Variants in TKT observed in about 807,000 individuals in gnomAD.
TKT encodes transketolase.
Under a neutral mutation model 63.9 loss-of-function variants are expected in TKT, and 47 were observed. That is an observed-to-expected ratio of 0.74 (90% CI 0.58 to 0.94). TKT has a LOEUF of 0.94. Ranked by LOEUF, TKT falls within the 40% of genes least tolerant of loss-of-function variation. The pLI, the probability that TKT is intolerant of heterozygous loss-of-function variation, is 0.00. For missense variants in TKT, 721 were observed against 846.2 expected (o/e 0.85, Z 1.84); for synonymous variants, 338 against 334.1 (o/e 1.01, Z -0.13).
rs1704647285 is a variant in TKT, at chr3:53,229,420, C to T, written c.1124G>A (p.Gly375Asp). 2 of 1,607,900 alleles carry T rather than the reference C, an allele frequency of 1.2e-6. No individual in the cohort carries two copies. Among genetic ancestry groups the T allele is most frequent in the Admixed American group, 1.7e-5 (1 of 59,172 alleles). The stretch of plus-strand genomic sequence containing the variant: ...CACCGTCCTGTTGCGGGTGGCACAG[C>T]CCACCGCGATGCTCACCTGGGGGCA... ...AEQNMVSIAV[G>D]CATRNRTVPF... The change falls in exon 9 of 14, where the codon GGC becomes GAC. Residue 375 changes from glycine (G) to aspartate (D), a missense_variant. Transcript: ENST00000462138.
intron 8 of TKT, 124 bp from the exon 9 acceptor site, chr3:53,229,560 G>A (rs1553676526): frequency 1.8e-6 from 2 of 1,115,004 alleles, no homozygotes; most frequent in Non-Finnish European, 2.6e-6. Flanking sequence ...CTGGGCTTCT[G>A]AATATGTCCC....
chr3:53,245,199 G>A (rs1019019107), intron 1 of TKT, among the ~76,000 whole-genome samples: 7 of 151,556 alleles, frequency 4.6e-5, no homozygotes, highest in East Asian at 1.9e-4. Context: ...CCAGCTACTC[G>A]GGAAGCTGAG....
chr3:53,239,255 CT>C (rs2106697756), intron 4 of TKT, among the ~76,000 whole-genome samples: 1 of 152,204 alleles, frequency 6.6e-6, no homozygotes, highest in African/African-American at 2.4e-5. Flanking sequence ...TTGGGTATGC[CT>C]TTATCAGCAG....
intron 4 of TKT, among the ~76,000 whole-genome samples, 180 bp downstream of exon 4, chr3:53,240,071 A>C (rs1559653662): frequency 6.6e-6 from 1 of 152,208 alleles, no homozygotes; most frequent in East Asian, 1.9e-4. Context: ...TCATTTGTAA[A>C]GGGGGCCGGT....
intron 2 of TKT, 92 bp from the exon 3 acceptor site, chr3:53,241,337 G>T: frequency 9.0e-7 from 1 of 1,109,828 alleles, no homozygotes; most frequent in Non-Finnish European, 1.3e-6. Flanking sequence ...GGGCCCGGCC[G>T]AGCCGGCCAA....
Position 53,229,425 on chromosome 3 carries a change from C to G in TKT, c.1119G>C (p.Ala373=). The change falls in exon 9 of 14, where the codon GCG becomes GCC. Residue 373 remains alanine (A), a synonymous_variant. Transcript: ENST00000462138. ...YIAEQNMVSI[A]VGCATRNRTV... is the part of the protein sequence containing the mutation. ...TCCTGTTGCGGGTGGCACAGCCCACCGCGATGCTCACCTGGGGGCAGGTGG... is the reference window on the plus strand; with the variant it reads ...TCCTGTTGCGGGTGGCACAGCCCACGGCGATGCTCACCTGGGGGCAGGTGG... 6.2e-7 allele frequency: 1 copy of G among 1,606,956 alleles called. No homozygotes were observed. The highest frequency in any genetic ancestry group is 2.2e-5 in the East Asian group (1 of 44,544).
intron 5 of TKT, chr3:53,234,652 G>A (rs1330200264): frequency 4.8e-6 from 1 of 208,636 alleles, no homozygotes; most frequent in African/African-American, 2.3e-5. Flanking sequence ...ACATCCTTTA[G>A]CTTTACCGAG....
Position 53,248,744 on chromosome 3 carries a change from T to C in TKT, c.108-6502A>G, listed in dbSNP as rs188686716. ...AACTCATTCTGTATAATTGCATTTA[T>C]ATGAAATGTCTAGAAGAGTTAAATT... On this transcript the variant is annotated intron_variant, in intron 1 of 13. Coordinates refer to ENST00000462138, the MANE Select transcript of TKT (RefSeq NM_001064.4). Among the ~76,000 whole-genome samples, 191 of 152,256 alleles carry C rather than the reference T, an allele frequency of 1.3e-3. 2 individuals carry two copies. The highest frequency in any genetic ancestry group is 4.0e-3 in the African/African-American group (166 of 41,542).
chr3:53,250,440 C>T (rs79283407), intron 1 of TKT, among the ~76,000 whole-genome samples: 1 of 152,310 alleles, frequency 6.6e-6, no homozygotes, highest in African/African-American at 2.4e-5. Context: ...CATCCCCAGC[C>T]CTACTCCTGA....
At chr3:53,239,299 TA>T (rs1255613004) in intron 4 of TKT, among the ~76,000 whole-genome samples, 1 of 152,038 alleles carries the variant, frequency 6.6e-6, no homozygotes, top group Non-Finnish European at 1.5e-5. Context: ...GATTATTCTT[TA>T]AAAAAAAGAA....
At position 53,231,518 on chromosome 3, in the gene TKT, G is replaced by T. The variant is rs1274000131; in HGVS notation, c.781C>A (p.Pro261Thr). The change falls in exon 7 of 14, where the codon CCC (proline) becomes ACC (threonine). Residue 261 changes from proline (P) to threonine (T), a missense_variant. Transcript: ENST00000462138. ...TGCTCAGCCATGTTTTTGGGGAGGGGCTTCCCATGCCAAGACTCCTTATCT... is the reference window on the plus strand; with the variant it reads ...TGCTCAGCCATGTTTTTGGGGAGGGTCTTCCCATGCCAAGACTCCTTATCT... ...VEDKESWHGK[P>T]LPKNMAEQII... 2.5e-6 allele frequency: 4 copies of T among 1,613,944 alleles called. No homozygotes were observed. The highest frequency in any genetic ancestry group is 3.4e-6 in the Non-Finnish European group (4 of 1,180,002).
At chr3:53,232,672 C>T (rs1276961876) in intron 6 of TKT, 1 of 398,098 alleles carries the variant, frequency 2.5e-6, no homozygotes, top group Non-Finnish European at 4.4e-6. Context: ...TTCCAAACCC[C>T]CCAAGGCTCT....
chr3:53,229,307 A>G lies in TKT; in HGVS notation c.1237T>C (p.Cys413Arg). The part of the protein sequence containing the change: ...AAISESNINL[C>R]GSHCGVSIGE... ...ATGGAAACGCCGCAGTGGGAGCCGC[A>G]GAGGTTGATGTTGCTCTCGGAGATG... Residue 413 changes from cysteine (C) to arginine (R), a missense_variant, in exon 9 of 14, where the codon TGC becomes CGC. By Grantham distance (180) the Cys-to-Arg change is radical. Coordinates refer to ENST00000462138, the MANE Select transcript of TKT (RefSeq NM_001064.4). 6.2e-7 allele frequency: 1 copy of G among 1,613,946 alleles called. No individual in the cohort carries two copies. Among genetic ancestry groups the G allele is most frequent in the Non-Finnish European group, 8.5e-7 (1 of 1,179,964 alleles).
In TKT at chr3:53,233,158, G is replaced by A. The variant is rs149480115; in HGVS notation, c.746C>T (p.Thr249Met). 361 of 1,613,364 alleles carry A rather than the reference G, an allele frequency of 2.2e-4. No homozygotes were observed. The highest frequency in any genetic ancestry group is 1.5e-3 in the Middle Eastern group (9 of 6,052). Residue 249 changes from threonine (T) to methionine (M), a missense_variant and splice_region_variant, in exon 6 of 14, where the codon ACG becomes ATG. By Grantham distance (81) the Thr-to-Met change is moderately conservative (BLOSUM62 -1). Transcript: ENST00000462138. ...IAKTFKGRGI[T>M]GVEDKESWHG... ...GAGGGCGGCTTGTGCATACTGACCCGTGATCCCTCGGCCCTTGAAGGTCTT... is the reference window on the plus strand; with the variant it reads ...GAGGGCGGCTTGTGCATACTGACCCATGATCCCTCGGCCCTTGAAGGTCTT...
rs1553676467 is a variant in TKT, at chr3:53,229,423, A to G, written c.1121T>C (p.Val374Ala). 6.2e-7 allele frequency: 1 copy of G among 1,607,522 alleles called. No homozygotes were observed. Among genetic ancestry groups the G allele is most frequent in the Non-Finnish European group, 8.5e-7 (1 of 1,177,122 alleles). The change falls in exon 9 of 14, where the codon GTG becomes GCG. Residue 374 changes from valine (V) to alanine (A), a missense_variant. By Grantham distance (64) the Val-to-Ala change is moderately conservative. Coordinates refer to ENST00000462138, the MANE Select transcript of TKT (RefSeq NM_001064.4). ...IAEQNMVSIAVGCATRNRTVP... is the reference protein window; with the variant it reads ...IAEQNMVSIAAGCATRNRTVP... ...CGTCCTGTTGCGGGTGGCACAGCCC[A>G]CCGCGATGCTCACCTGGGGGCAGGT...
chr3:53,230,435 C>G (rs781975741), intron 8 of TKT, 22 bp downstream of exon 8: 2 of 1,613,910 alleles, frequency 1.2e-6, no homozygotes, highest in Non-Finnish European at 1.7e-6. Flanking sequence ...GTGGACCTGT[C>G]CCTGCCGGCC....
At position 53,231,326 on chromosome 3, in the gene TKT, T is replaced by C. The variant is rs75681449; in HGVS notation, c.942+31A>G. 10,776 of 1,608,740 alleles carry C rather than the reference T, an allele frequency of 6.7e-3. 538 individuals carry two copies. In the South Asian group the frequency reaches 0.095, roughly 14 times the overall value. The stretch of plus-strand genomic sequence containing the variant: ...ACAGACTTGGGAAACCTGAGAACTA[T>C]GGGTTCAGAGAAACAGGCCCCACTT... On this transcript the variant is annotated intron_variant, in intron 7 of 13. Coordinates refer to ENST00000462138, the MANE Select transcript of TKT (RefSeq NM_001064.4).
At chr3:53,235,416 G>C in intron 4 of TKT, 1 of 428,264 alleles carries the variant, frequency 2.3e-6, no homozygotes, top group Non-Finnish European at 4.2e-6. Flanking sequence ...AGAAGTACTG[G>C]TTGTTAAGAA....
intron 5 of TKT, chr3:53,234,277 T>C (rs1704907362): frequency 6.6e-6 from 1 of 152,308 alleles, no homozygotes; most frequent in Admixed American, 6.5e-5. Flanking sequence ...GTCACAGGCA[T>C]GGGTTCATCC....
Sources: gnomAD v4.1 joint callset for allele counts (sites outside exome capture counted in the v4.1 genomes callset) on GRCh38, gnomAD v4.1.1 for gene constraint, MANE v1.5 for transcripts, NCBI Gene and HGNC (gene_info 2026-07-23, HGNC 2026-07-21) for gene names.